RRP15: variants seen among roughly 807,000 people sequenced by gnomAD.
RRP15 encodes ribosomal RNA processing 15 homolog.
In RRP15, 18 loss-of-function variants were observed where a neutral mutation model predicts 27.1. The ratio of observed to expected loss-of-function variants is 0.66; its 90% CI spans 0.46 to 0.98. The LOEUF (loss-of-function observed/expected upper bound fraction) is 0.98, where lower values mean the gene tolerates loss of function less well. Ranked by LOEUF, RRP15 falls within the 50% of genes least tolerant of loss-of-function variation. RRP15 has a pLI of 0.00. For missense variants in RRP15, 359 were observed against 337.8 expected (o/e 1.06, Z -0.49); for synonymous variants, 107 against 109.4 (o/e 0.98, Z 0.14).
At position 218,332,116 on chromosome 1, in the gene RRP15, C is replaced by T. The variant is rs567355178; in HGVS notation, c.*1025C>T. On this transcript the variant is annotated 3_prime_UTR_variant, in exon 5 of 5. Coordinates refer to ENST00000366932, the MANE Select transcript of RRP15 (RefSeq NM_016052.4). ...CTCATGCTTAACTTATGCAATGAGA[C>T]AATTTCTCAGGAAGCAAGTTTGACA... The T allele has an allele frequency of 2.6e-5, 4 of 152,136 alleles. No individual in the cohort carries two copies. Among genetic ancestry groups the T allele is most frequent in the African/African-American group, 9.6e-5 (4 of 41,504 alleles). The allele number at this position is 152,136 out of a possible 1,614,324, so 9.4% of individuals were successfully genotyped here.
At position 218,307,520 on chromosome 1, in the gene RRP15, G is replaced by A. The variant is rs202205037; in HGVS notation, c.593G>A (p.Arg198His). Residue 198 changes from arginine to histidine, a missense_variant, in exon 4 of 5, where the codon CGT (arginine) becomes CAT (histidine). Transcript: ENST00000366932. ...GAAGCTGGAAGTTCTATGAGAAAGC[G>A]TGCTAAGTTGATATCAACTGTTTCC... ...VKEAGSSMRK[R>H]AKLISTVSKK... The A allele has an allele frequency of 9.0e-5, 146 of 1,613,856 alleles. 1 individual carries two copies. Among genetic ancestry groups the A allele is most frequent in the Admixed American group, 6.8e-4 (41 of 60,018 alleles).
intron 4 of RRP15, among the ~76,000 whole-genome samples, chr1:218,323,868 C>A (rs571673308): frequency 6.6e-6 from 1 of 152,310 alleles, no homozygotes; most frequent in East Asian, 1.9e-4. Flanking sequence ...GAGATCAGAG[C>A]GGGCACTGGG....
At chr1:218,289,862 A>T (rs2102490374) in intron 1 of RRP15, among the ~76,000 whole-genome samples, 1 of 152,174 alleles carries the variant, frequency 6.6e-6, no homozygotes, top group African/African-American at 2.4e-5. Flanking sequence ...TTGTATTTTT[A>T]GTAGAGACAG....
At chr1:218,329,237 CAAAAAAAAAAAAAAAAA>C (rs1164512474) in intron 4 of RRP15, among the ~76,000 whole-genome samples, 16 of 53,552 alleles carry the variant, frequency 3.0e-4, no homozygotes, top group Admixed American at 2.8e-3. Flanking sequence ...CCTGTCTCTA[CAAAAAAAAAAAAAAAAA>C]AAAAAAAAAA....
At chr1:218,305,907 G>T (rs1171856049) in intron 3 of RRP15, among the ~76,000 whole-genome samples, 1 of 152,124 alleles carries the variant, frequency 6.6e-6, no homozygotes, top group Non-Finnish European at 1.5e-5. Context: ...GCTCTTACTA[G>T]CAGTGTGTCC....
At chr1:218,318,158 T>C (rs566166200) in intron 4 of RRP15, among the ~76,000 whole-genome samples, 3 of 152,332 alleles carry the variant, frequency 2.0e-5, no homozygotes, top group South Asian at 4.1e-4. Flanking sequence ...GCTATCTGCC[T>C]TTCTCTCCAT....
At chr1:218,296,365 G>A (rs1452530873) in intron 1 of RRP15, among the ~76,000 whole-genome samples, 1 of 152,128 alleles carries the variant, frequency 6.6e-6, no homozygotes, top group Non-Finnish European at 1.5e-5. Flanking sequence ...TAGAAATGTT[G>A]TGAAATGAGC....
At chr1:218,308,020 G>A (rs1266436353) in intron 4 of RRP15, among the ~76,000 whole-genome samples, 1 of 145,554 alleles carries the variant, frequency 6.9e-6, no homozygotes, top group South Asian at 2.3e-4. Flanking sequence ...CCTTTGGCAT[G>A]AGAACTTTGC....
rs77310085 is a variant in RRP15, at chr1:218,323,257, G to A, written c.706-7691G>A. Among the ~76,000 whole-genome samples, 519 of 152,328 alleles carry A rather than the reference G, an allele frequency of 3.4e-3. 10 individuals carry two copies. In the East Asian group the frequency reaches 0.058, roughly 17 times the overall value. On this transcript the variant is annotated intron_variant, in intron 4 of 4. Coordinates refer to ENST00000366932, the MANE Select transcript of RRP15 (RefSeq NM_016052.4). Reference sequence around the variant, plus strand: ...GTGTTACACCTCTTTTAGCCCCGCCGTTCGGCAGGTCCCGAGTTCTTGTGC... The same window carrying A: ...GTGTTACACCTCTTTTAGCCCCGCCATTCGGCAGGTCCCGAGTTCTTGTGC...
chr1:218,319,608 C>T (rs1321954118), intron 4 of RRP15, among the ~76,000 whole-genome samples: 4 of 152,100 alleles, frequency 2.6e-5, no homozygotes, highest in Non-Finnish European at 4.4e-5. Context: ...CCTGTTTCTC[C>T]AAAGGGGTCT....
At chr1:218,309,492 G>T (rs1416406848) in intron 4 of RRP15, among the ~76,000 whole-genome samples, 1 of 151,920 alleles carries the variant, frequency 6.6e-6, no homozygotes. Flanking sequence ...AGACCAGCCT[G>T]GCCAACATGG....
At chr1:218,310,632 C>CCCT (rs34970729) in intron 4 of RRP15, among the ~76,000 whole-genome samples, 72,972 of 151,656 alleles carry the variant, frequency 0.48, 18,610 homozygotes, top group African/African-American at 0.67. Flanking sequence ...TTTTAAAGAA[C>CCCT]TTTTTTAAAA....
chr1:218,337,867 T>C lies in RRP15; in HGVS notation c.*6776T>C, dbSNP rs1446751408. The C allele has an allele frequency of 6.6e-6, 1 of 152,204 alleles. No homozygotes were observed. Among genetic ancestry groups the C allele is most frequent in the East Asian group, 1.9e-4 (1 of 5,202 alleles). 9.4% of individuals were successfully genotyped at this position (152,204 alleles called of 1,614,324 possible). A position where few individuals can be genotyped will look rare whatever the true frequency, so the allele number is the denominator to read the frequency against. ...TTTGCTAGAATCCTACTTTATCTTT[T>C]AAGTTTTGCTAATTACCCTGCAATG... On this transcript the variant is annotated 3_prime_UTR_variant, in exon 5 of 5. Coordinates refer to ENST00000366932, the MANE Select transcript of RRP15 (RefSeq NM_016052.4).
intron 4 of RRP15, among the ~76,000 whole-genome samples, chr1:218,326,134 A>G (rs1302572830): frequency 6.6e-6 from 1 of 152,072 alleles, no homozygotes; most frequent in African/African-American, 2.4e-5. Context: ...GTGAAACCCC[A>G]TCTTTACTAA....
intron 3 of RRP15, among the ~76,000 whole-genome samples, 181 bp from the exon 4 acceptor site, chr1:218,307,250 A>G (rs1208158409): frequency 6.6e-6 from 1 of 152,176 alleles, no homozygotes; most frequent in African/African-American, 2.4e-5. Context: ...ATTGAAATGT[A>G]TATTCATTTT....
chr1:218,291,288 A>T (rs1221184593), intron 1 of RRP15, among the ~76,000 whole-genome samples: 1 of 151,764 alleles, frequency 6.6e-6, no homozygotes, highest in Non-Finnish European at 1.5e-5. Context: ...AAAAAAATAT[A>T]CAAAAAATTA....
rs539819967 is a variant in RRP15 at position 218,291,458 on chromosome 1, T to C, written c.139+6003T>C. ...AGACTCTGTCTCAAAAATGAATAAA[T>C]AAATTTTAAAAACAAAACTCTGAGA... On this transcript the variant is annotated intron_variant, in intron 1 of 4. Coordinates refer to ENST00000366932, the MANE Select transcript of RRP15 (RefSeq NM_016052.4). Among the ~76,000 whole-genome samples the C allele has an allele frequency of 1.5e-4, 12 of 81,778 alleles. No individual in the cohort carries two copies. In the East Asian group the frequency reaches 4.0e-3, roughly 27 times the overall value. 53.6% of individuals were successfully genotyped at this position (81,778 alleles called of 152,430 possible).
chr1:218,300,790 T>C (rs1655799782), intron 1 of RRP15, among the ~76,000 whole-genome samples: 2 of 152,224 alleles, frequency 1.3e-5, no homozygotes, highest in African/African-American at 2.4e-5. Context: ...GTTATGGTTC[T>C]GATGCTTGGC....
intron 2 of RRP15, 72 bp from the exon 3 acceptor site, chr1:218,304,956 G>C (rs1418410895): frequency 2.9e-6 from 4 of 1,362,248 alleles, no homozygotes; most frequent in Non-Finnish European, 4.2e-6. Flanking sequence ...CTTTCACAGA[G>C]TATCATACCA....
Sources: allele counts gnomAD v4.1 joint callset (sites outside exome capture counted in the v4.1 genomes callset), GRCh38; gene constraint gnomAD v4.1.1; transcripts MANE v1.5; gene names NCBI Gene and HGNC (gene_info 2026-07-23, HGNC 2026-07-21).